NEDD4L: variants seen among roughly 807,000 people sequenced by gnomAD.
NEDD4L encodes the protein NEDD4 like E3 ubiquitin protein ligase.
A neutral mutation model predicts 148.9 loss-of-function variants in NEDD4L; 54 were observed. The observed-to-expected ratio is 0.36, with a 90% CI of 0.29 to 0.45. The LOEUF is 0.45. Ranked by LOEUF, NEDD4L falls within the 20% of genes least tolerant of loss-of-function variation. NEDD4L has a pLI of 1.00. For missense variants in NEDD4L, 856 were observed against 1,233.8 expected, an observed-to-expected ratio of 0.69 and a Z score of 4.59; for synonymous variants, 433 against 440.7, an observed-to-expected ratio of 0.98 and a Z score of 0.22.
chr18:58,352,052 G>T (rs989974380), intron 18 of NEDD4L, among the ~76,000 whole-genome samples: 1 of 152,164 alleles, frequency 6.6e-6, no homozygotes, highest in Non-Finnish European at 1.5e-5. Flanking sequence ...ATTATAAATG[G>T]AATTAAGCAA....
At chr18:58,335,947 G>T in intron 13 of NEDD4L, 1 of 170,750 alleles carries the variant, frequency 5.9e-6, no homozygotes. Context: ...ATGTGCCCAG[G>T]GCCCTTCTCT....
At chr18:58,195,841 G>A in intron 2 of NEDD4L, 1 of 561,036 alleles carries the variant, frequency 1.8e-6, no homozygotes, top group Non-Finnish European at 3.0e-6. Context: ...AAATGTGCAG[G>A]ATTAGGGGGA....
intron 5 of NEDD4L, among the ~76,000 whole-genome samples, chr18:58,271,798 G>T (rs1272554114): frequency 1.3e-5 from 2 of 152,144 alleles, no homozygotes; most frequent in Non-Finnish European, 2.9e-5. Context: ...TATCATGTTT[G>T]TTTGATCATT....
rs572555131 is a variant in NEDD4L, at chr18:58,381,889, G to A, written c.2353-1357G>A. Among the ~76,000 whole-genome samples the A allele has an allele frequency of 3.3e-5, 5 of 152,298 alleles. 1 individual carries two copies. The highest frequency in any genetic ancestry group is 1.2e-4 in the African/African-American group (5 of 41,540). On this transcript the variant is annotated intron_variant, in intron 24 of 30. Coordinates refer to ENST00000400345, the MANE Select transcript of NEDD4L (RefSeq NM_001144967.3). Reference sequence around the variant, plus strand: ...CCATCCCCAACACGGCCTGTACGGGGCAGGAGCAGATGACCCCTGGGAGAA... The same window carrying A: ...CCATCCCCAACACGGCCTGTACGGGACAGGAGCAGATGACCCCTGGGAGAA...
chr18:58,258,325 T>C (rs1471886906), intron 5 of NEDD4L, among the ~76,000 whole-genome samples: 1 of 152,232 alleles, frequency 6.6e-6, no homozygotes, highest in African/African-American at 2.4e-5. Context: ...AATTCCATGC[T>C]GAACTTGGAC....
chr18:58,261,915 G>A (rs2049439716), intron 5 of NEDD4L, among the ~76,000 whole-genome samples: 1 of 152,140 alleles, frequency 6.6e-6, no homozygotes, highest in African/African-American at 2.4e-5. Context: ...AAATTCATAG[G>A]TGGTGTTGAA....
intron 5 of NEDD4L, among the ~76,000 whole-genome samples, chr18:58,298,205 T>C (rs1600860904): frequency 6.6e-6 from 1 of 152,302 alleles, no homozygotes; most frequent in Admixed American, 6.5e-5. Context: ...TACATGCATG[T>C]CATATCTTAG....
chr18:58,111,448 C>T (rs2085415255), intron 1 of NEDD4L, among the ~76,000 whole-genome samples: 1 of 152,216 alleles, frequency 6.6e-6, no homozygotes. Context: ...ACATCCCTCT[C>T]CCCATCCCTA....
chr18:58,385,561 A>G lies in NEDD4L; in HGVS notation c.2462A>G (p.Gln821Arg), dbSNP rs768223994. Residue 821 changes from glutamine (Q) to arginine (R), a missense_variant, in exon 26 of 31, where the codon CAG (glutamine) becomes CGG (arginine). Transcript: ENST00000400345. ...CAGTGGAGATTTGTGAACAGGGTCC[A>G]GAAGCAGATGAACGCCTTCTTGGAG... Reference protein sequence around the residue: ...VIQWRFVNRVQKQMNAFLEGF... With the variant: ...VIQWRFVNRVRKQMNAFLEGF... 1 of 1,613,950 alleles carries G rather than the reference A, an allele frequency of 6.2e-7. No individual in the cohort carries two copies. The highest frequency in any genetic ancestry group is 2.2e-5 in the East Asian group (1 of 44,884).
intron 16 of NEDD4L, among the ~76,000 whole-genome samples, chr18:58,344,269 A>T (rs994063331): frequency 9.9e-5 from 15 of 152,216 alleles, no homozygotes; most frequent in African/African-American, 3.6e-4. Context: ...GTATCAGTTC[A>T]GTCCAGCAGG....
At chr18:58,321,234 C>T (rs182587928) in intron 6 of NEDD4L, among the ~76,000 whole-genome samples, 4 of 152,224 alleles carry the variant, frequency 2.6e-5, no homozygotes, top group African/African-American at 7.2e-5. Flanking sequence ...TACAGCAGGA[C>T]GATAGGATGG....
chr18:58,208,565 A>T (rs2042202596), intron 2 of NEDD4L, among the ~76,000 whole-genome samples: 1 of 152,228 alleles, frequency 6.6e-6, no homozygotes, highest in Admixed American at 6.5e-5. Context: ...CCCTGTAGGG[A>T]GGATTAAGAA....
chr18:58,315,338 C>T (rs1314983366), intron 5 of NEDD4L, among the ~76,000 whole-genome samples: 3 of 152,022 alleles, frequency 2.0e-5, no homozygotes, highest in Admixed American at 6.6e-5. Context: ...ATGATTTTCA[C>T]CTGGGCCTCT....
At chr18:58,046,871 G>T (rs9807582) in intron 1 of NEDD4L, 137,687 of 152,288 alleles carry the variant, frequency 0.9, 62,324 homozygotes, top group East Asian at 1. Flanking sequence ...ATGAGTCTCA[G>T]CCGTCTTCCT....
intron 1 of NEDD4L, among the ~76,000 whole-genome samples, chr18:58,108,366 T>C (rs1414193312): frequency 3.3e-5 from 5 of 152,208 alleles, no homozygotes; most frequent in Non-Finnish European, 5.9e-5. Flanking sequence ...TGAAAATATT[T>C]TGAAATTAAA....
intron 1 of NEDD4L, among the ~76,000 whole-genome samples, chr18:58,118,766 G>A (rs775430603): frequency 1.3e-5 from 2 of 152,154 alleles, no homozygotes; most frequent in Non-Finnish European, 2.9e-5. Flanking sequence ...AGCTGAGGAA[G>A]GACACACTTT....
intron 2 of NEDD4L, among the ~76,000 whole-genome samples, chr18:58,187,827 A>G (rs546358056): frequency 6.6e-6 from 1 of 151,508 alleles, no homozygotes; most frequent in Non-Finnish European, 1.5e-5. Context: ...CCCCACCCCC[A>G]TGTGCATTTC....
intron 24 of NEDD4L, among the ~76,000 whole-genome samples, chr18:58,379,627 T>C (rs2048064183): frequency 1.3e-5 from 2 of 152,134 alleles, no homozygotes; most frequent in Admixed American, 6.5e-5. Context: ...CAGCAAGGAC[T>C]CTGGGGCATC....
chr18:58,063,527 T>C (rs2082433601), intron 1 of NEDD4L, among the ~76,000 whole-genome samples: 4 of 152,122 alleles, frequency 2.6e-5, no homozygotes, highest in East Asian at 1.9e-4. Context: ...TTTTCTAATA[T>C]TGCTTTTCTT....
Sources: gnomAD v4.1 joint callset for allele counts (sites outside exome capture counted in the v4.1 genomes callset) on GRCh38, gnomAD v4.1.1 for gene constraint, MANE v1.5 for transcripts, NCBI Gene and HGNC (gene_info 2026-07-23, HGNC 2026-07-21) for gene names.